Variants in CDH20 observed in about 807,000 individuals in gnomAD.
CDH20 encodes the protein cadherin-20.
A neutral mutation model predicts 74.2 loss-of-function variants in CDH20; 29 were observed. That is an observed-to-expected ratio of 0.39 (90% CI 0.29 to 0.53). The LOEUF is 0.53. CDH20 is among the 20% of genes least tolerant of loss of function. The pLI is 0.69. For synonymous variants in CDH20, 469 were observed against 405.4 expected (o/e 1.16, Z -1.88); for missense variants, 988 against 1,048.3 (o/e 0.94, Z 0.79).
At chr18:61,475,191 G>A (rs1445524214) in intron 1 of CDH20, among the ~76,000 whole-genome samples, 2 of 152,180 alleles carry the variant, frequency 1.3e-5, no homozygotes, top group African/African-American at 2.4e-5. Context: ...TATGGCAATG[G>A]CAGAAGGAAT....
At chr18:61,389,564 C>T (rs1911703757) in intron 1 of CDH20, among the ~76,000 whole-genome samples, 1 of 152,176 alleles carries the variant, frequency 6.6e-6, no homozygotes, top group Non-Finnish European at 1.5e-5. Flanking sequence ...AGACATTGTT[C>T]TAAGCACTGC....
intron 9 of CDH20, among the ~76,000 whole-genome samples, chr18:61,539,649 C>G (rs976197550): frequency 6.6e-6 from 1 of 152,150 alleles, no homozygotes; most frequent in East Asian, 1.9e-4. Flanking sequence ...GAAAAAGCTA[C>G]TCTTTTCCCG....
chr18:61,365,699 G>T (rs1910834521), intron 1 of CDH20, among the ~76,000 whole-genome samples: 1 of 152,100 alleles, frequency 6.6e-6, no homozygotes, highest in Non-Finnish European at 1.5e-5. Context: ...AAAAACTCCT[G>T]TAGTTCTAGT....
chr18:61,397,607 G>C (rs1912028230), intron 1 of CDH20, among the ~76,000 whole-genome samples: 1 of 152,090 alleles, frequency 6.6e-6, no homozygotes, highest in South Asian at 2.1e-4. Flanking sequence ...TTGCTCACCT[G>C]TTTATTGTCT....
chr18:61,413,769 T>G (rs1261740337), intron 1 of CDH20, among the ~76,000 whole-genome samples: 1 of 152,094 alleles, frequency 6.6e-6, no homozygotes, highest in African/African-American at 2.4e-5. Context: ...CTAAAGCATT[T>G]CAATTTCCTA....
intron 1 of CDH20, among the ~76,000 whole-genome samples, chr18:61,468,735 C>T (rs1910055126): frequency 6.6e-6 from 1 of 152,186 alleles, no homozygotes; most frequent in Non-Finnish European, 1.5e-5. Flanking sequence ...TGGGCCATGA[C>T]CTGTGGGGGC....
intron 1 of CDH20, among the ~76,000 whole-genome samples, chr18:61,380,154 T>C (rs1911385687): frequency 6.6e-6 from 1 of 152,176 alleles, no homozygotes; most frequent in African/African-American, 2.4e-5. Context: ...GAAGGGGGCT[T>C]CAGGGGAGGA....
At position 61,550,029 on chromosome 18, in the gene CDH20, A is replaced by G; in HGVS notation, c.1700A>G (p.Gln567Arg). 1 of 1,614,234 alleles carries G rather than the reference A, an allele frequency of 6.2e-7. No homozygotes were observed. Among genetic ancestry groups the G allele is most frequent in the Non-Finnish European group, 8.5e-7 (1 of 1,180,042 alleles). Residue 567 changes from glutamine (Q) to arginine (R), a missense_variant, in exon 11 of 12, where the codon CAG becomes CGG. Gln to Arg is a conservative substitution (Grantham distance 43, BLOSUM62 1). Around this residue, in one of 2 missense-constraint regions of CDH20, gnomAD observed 613 missense variants for 755.2 expected, o/e 0.81. Transcript: ENST00000262717. ...AGGTCTGGTTTCCGGCAGCAGGAGCAGAGTGTCTTTCACCTGCCTATCCTG... is the reference window on the plus strand; with the variant it reads ...AGGTCTGGTTTCCGGCAGCAGGAGCGGAGTGTCTTTCACCTGCCTATCCTG... ...TRRSGFRQQE[Q>R]SVFHLPILIA... is the part of the protein sequence containing the mutation.
At chr18:61,483,252 C>T (rs1910649851) in intron 1 of CDH20, among the ~76,000 whole-genome samples, 1 of 152,174 alleles carries the variant, frequency 6.6e-6, no homozygotes, top group South Asian at 2.1e-4. Context: ...AATTCCAGTT[C>T]ATCCTCTTCC....
At chr18:61,546,335 AC>A (rs1913247996) in intron 10 of CDH20, among the ~76,000 whole-genome samples, 1 of 152,230 alleles carries the variant, frequency 6.6e-6, no homozygotes, top group South Asian at 2.1e-4. Context: ...AGATTCTCAA[AC>A]CTGTTTTCTT....
intron 1 of CDH20, among the ~76,000 whole-genome samples, chr18:61,453,531 A>G (rs1034393723): frequency 2.0e-5 from 3 of 152,174 alleles, no homozygotes; most frequent in Admixed American, 2.0e-4. Context: ...CGCCTGCCTC[A>G]GCCTCCCAAA....
At chr18:61,476,012 C>T (rs991415392) in intron 1 of CDH20, among the ~76,000 whole-genome samples, 3 of 152,292 alleles carry the variant, frequency 2.0e-5, no homozygotes, top group African/African-American at 7.2e-5. Flanking sequence ...ACATTGAACT[C>T]AGTGGTCCTG....
chr18:61,498,767 C>A (rs1380174621), intron 2 of CDH20, among the ~76,000 whole-genome samples: 2 of 152,162 alleles, frequency 1.3e-5, no homozygotes, highest in East Asian at 3.8e-4. Context: ...GTTTGATACT[C>A]CAAAACTTAC....
At chr18:61,359,682 A>G (rs1227060044) in intron 1 of CDH20, among the ~76,000 whole-genome samples, 1 of 152,228 alleles carries the variant, frequency 6.6e-6, no homozygotes, top group Non-Finnish European at 1.5e-5. Flanking sequence ...GATAATTTCT[A>G]AAGAGTCAAG....
chr18:61,421,017 C>A (rs578181616), intron 1 of CDH20, among the ~76,000 whole-genome samples: 1 of 152,142 alleles, frequency 6.6e-6, no homozygotes. Flanking sequence ...CACCACTGCA[C>A]TCCAGTCTGG....
chr18:61,505,492 T>G (rs1911533225), intron 5 of CDH20, among the ~76,000 whole-genome samples: 1 of 152,018 alleles, frequency 6.6e-6, no homozygotes, highest in Non-Finnish European at 1.5e-5. Flanking sequence ...CACACCACCA[T>G]GCCCAGCTAA....
intron 7 of CDH20, among the ~76,000 whole-genome samples, chr18:61,530,166 C>A (rs1447347821): frequency 6.6e-6 from 1 of 152,150 alleles, no homozygotes; most frequent in Non-Finnish European, 1.5e-5. Flanking sequence ...GAGAGGAATT[C>A]TTATTGCTAG....
At chr18:61,552,710 T>G (rs549867473) in intron 11 of CDH20, among the ~76,000 whole-genome samples, 14 of 152,320 alleles carry the variant, frequency 9.2e-5, no homozygotes, top group African/African-American at 3.4e-4. Context: ...TCTCCTTAGA[T>G]TACAAGCTCA....
At chr18:61,466,937 G>A (rs1909981372) in intron 1 of CDH20, among the ~76,000 whole-genome samples, 1 of 152,086 alleles carries the variant, frequency 6.6e-6, no homozygotes, top group Non-Finnish European at 1.5e-5. Context: ...ATCCTTGCAG[G>A]TTCCCTTCCA....
Sources: allele counts gnomAD v4.1 joint callset (sites outside exome capture counted in the v4.1 genomes callset), GRCh38; gene constraint gnomAD v4.1.1; regional missense constraint gnomAD v4.1.1; transcripts MANE v1.5; gene names NCBI Gene and HGNC (gene_info 2026-07-23, HGNC 2026-07-21).